ABCA5: variants seen among roughly 807,000 people sequenced by gnomAD.
The protein encoded by ABCA5 is ATP binding cassette subfamily A member 5, also known as cholesterol transporter ABCA5.
In ABCA5, 163 loss-of-function variants were observed where a neutral mutation model predicts 206.0. That is an observed-to-expected ratio of 0.79 (90% CI 0.70 to 0.90). The LOEUF is 0.90. Ranked by LOEUF, ABCA5 falls within the 40% of genes least tolerant of loss-of-function variation. The probability of loss-of-function intolerance (pLI) is 0.00; values close to 1 mark genes in which losing one functional copy is unlikely to be tolerated. For synonymous variants in ABCA5, 609 were observed against 613.8 expected (o/e 0.99, Z 0.11); for missense variants, 1,859 against 1,912.9 (o/e 0.97, Z 0.53).
intron 24 of ABCA5, among the ~76,000 whole-genome samples, chr17:69,262,933 C>G (rs1161554339): frequency 1.3e-5 from 2 of 152,122 alleles, no homozygotes; most frequent in Admixed American, 6.5e-5. Context: ...GCCATTCTAA[C>G]TGACATGAGA....
intron 15 of ABCA5, among the ~76,000 whole-genome samples, chr17:69,286,988 G>C (rs1010747370): frequency 2.0e-5 from 3 of 152,186 alleles, no homozygotes; most frequent in African/African-American, 7.2e-5. Flanking sequence ...GCTGTTAGTT[G>C]AGAACTTGGA....
At chr17:69,260,465 G>C in intron 26 of ABCA5, 53 bp from the exon 27 acceptor site, 2 of 1,188,212 alleles carry the variant, frequency 1.7e-6, no homozygotes, top group East Asian at 2.4e-5. Flanking sequence ...GAAATATTTG[G>C]ATTAAAATGA....
intron 18 of ABCA5, among the ~76,000 whole-genome samples, chr17:69,281,819 C>G (rs1216688513): frequency 6.6e-6 from 1 of 152,184 alleles, no homozygotes; most frequent in Non-Finnish European, 1.5e-5. Context: ...AGCAAGTTTA[C>G]TTCATGATGA....
chr17:69,324,481 G>C (rs766220295), intron 1 of ABCA5, among the ~76,000 whole-genome samples: 1 of 152,162 alleles, frequency 6.6e-6, no homozygotes, highest in Non-Finnish European at 1.5e-5. Flanking sequence ...TGAAGTTTCT[G>C]GTATCCAAAA....
chr17:69,294,741 T>C (rs2075567779), intron 10 of ABCA5, 28 bp from the exon 11 acceptor site: 1 of 1,474,256 alleles, frequency 6.8e-7, no homozygotes, highest in East Asian at 2.3e-5. Flanking sequence ...ATATTTTAAG[T>C]ATTTAAAGCA....
chr17:69,293,833 GGTGTGTGTGT>G (rs61315865), intron 11 of ABCA5, among the ~76,000 whole-genome samples: 6 of 123,818 alleles, frequency 4.8e-5, no homozygotes, highest in African/African-American at 9.0e-5. Context: ...CAATCATACT[GGTGTGTGTGT>G]GTGTGTGTGT....
chr17:69,250,469 T>C lies in ABCA5; in HGVS notation c.4685+3A>G. The C allele has an allele frequency of 6.2e-7, 1 of 1,603,506 alleles. No homozygotes were observed. Among genetic ancestry groups the C allele is most frequent in the Non-Finnish European group, 8.5e-7 (1 of 1,176,950 alleles). On this transcript the variant is annotated splice_donor_region_variant and intron_variant, in intron 36 of 38. Transcript: ENST00000392676. ...AATATAACCACATTCTTTAAAATTT[T>C]ACCTTTCCTGACGGCTTGCATTTGG...
intron 1 of ABCA5, among the ~76,000 whole-genome samples, chr17:69,324,437 T>C (rs1396634493): frequency 2.0e-5 from 3 of 152,216 alleles, no homozygotes; most frequent in African/African-American, 7.2e-5. Flanking sequence ...ATGTTCTAGA[T>C]AACACGGTAA....
At chr17:69,275,501 G>C (rs536841845) in intron 19 of ABCA5, among the ~76,000 whole-genome samples, 6 of 152,184 alleles carry the variant, frequency 3.9e-5, no homozygotes, top group African/African-American at 7.2e-5. Flanking sequence ...ATATGGCATT[G>C]ATCAAGTTCC....
chr17:69,276,666 T>C (rs1431269136), intron 19 of ABCA5, among the ~76,000 whole-genome samples: 1 of 152,022 alleles, frequency 6.6e-6, no homozygotes, highest in Non-Finnish European at 1.5e-5. Context: ...GGGTTGGGAC[T>C]GGGGAGGGAT....
At chr17:69,261,790 T>A in intron 24 of ABCA5, 42 bp from the exon 25 acceptor site, 1 of 785,298 alleles carries the variant, frequency 1.3e-6, no homozygotes, top group East Asian at 3.0e-5. Context: ...ATGAATAGCT[T>A]GCAATACACA....
At chr17:69,312,422 T>C (rs2075779078) in intron 3 of ABCA5, among the ~76,000 whole-genome samples, 1 of 152,110 alleles carries the variant, frequency 6.6e-6, no homozygotes, top group South Asian at 2.1e-4. Context: ...TATAAATAAA[T>C]AAAACAGAGT....
In ABCA5 at chr17:69,285,897, C is replaced by A. The variant is rs781141723; in HGVS notation, c.2272+1G>T. On this transcript the variant is annotated splice_donor_variant, in intron 17 of 38. Coordinates refer to ENST00000392676, the MANE Select transcript of ABCA5 (RefSeq NM_172232.4). LOFTEE classifies it high-confidence loss of function. ...ACCAAGAGACTTAAAGTAAGTAATA[C>A]CTGAAAATTTGTCCATGTCCTTGAA... 3 of 1,609,566 alleles carry A rather than the reference C, an allele frequency of 1.9e-6. No individual in the cohort carries two copies. The highest frequency in any genetic ancestry group is 2.2e-5 in the East Asian group (1 of 44,688).
chr17:69,268,126 ATATCT>A lies in ABCA5; in HGVS notation c.3031-75_3031-71del, dbSNP rs2075231692. ...TATATCTTAAGATATATCTTAGGAT[ATATCT>A]TATATCAAAAAAAAATCAAAACCTC... On this transcript the variant is annotated intron_variant, in intron 22 of 38. Transcript: ENST00000392676. 7.5e-6 allele frequency: 5 copies of A among 665,312 alleles called. No homozygotes were observed. The Admixed American group carries it at 9.1e-5, about 12-fold the overall frequency. The allele number at this position is 665,312 out of a possible 1,614,324, so 41.2% of individuals were successfully genotyped here.
intron 24 of ABCA5, among the ~76,000 whole-genome samples, chr17:69,262,614 T>C (rs2075161803): frequency 6.6e-6 from 1 of 152,220 alleles, no homozygotes; most frequent in African/African-American, 2.4e-5. Context: ...TGTACCACAC[T>C]TTCTTTATTC....
In ABCA5 at chr17:69,327,058, G is replaced by C. The variant is rs77963352; in HGVS notation, c.-22C>G. 6.5e-4 allele frequency: 101 copies of C among 155,918 alleles called. No homozygotes were observed. Among genetic ancestry groups the C allele is most frequent in the Non-Finnish European group, 1.2e-3 (83 of 70,914 alleles). 9.7% of individuals were successfully genotyped at this position (155,918 alleles called of 1,614,324 possible). A position where few individuals can be genotyped will look rare whatever the true frequency, so the allele number is the denominator to read the frequency against. On this transcript the variant is annotated 5_prime_UTR_variant, in exon 1 of 39. Coordinates refer to ENST00000392676, the MANE Select transcript of ABCA5 (RefSeq NM_172232.4). Reference sequence around the variant, plus strand: ...CCCGCGACGCCCGCCTCACCTCAGGGCCCGAGCCGCAGAGCTGTCAGGCCT... The same window carrying C: ...CCCGCGACGCCCGCCTCACCTCAGGCCCCGAGCCGCAGAGCTGTCAGGCCT...
intron 18 of ABCA5, among the ~76,000 whole-genome samples, chr17:69,279,578 A>T (rs1473800615): frequency 6.6e-6 from 1 of 151,950 alleles, no homozygotes; most frequent in Non-Finnish European, 1.5e-5. Context: ...TCGCCAAGTC[A>T]ATCCTAAGCC....
In ABCA5 at chr17:69,304,881, A is replaced by G. The variant is rs145676138; in HGVS notation, c.789-71T>C. On this transcript the variant is annotated intron_variant, in intron 6 of 38. Transcript: ENST00000392676. ...AACCAGTTAAAAAATCATTTTAAAC[A>G]AAATTTTTAGATTTTAGCCATTTTA... 3.3e-3 allele frequency: 4,462 copies of G among 1,343,094 alleles called. 130 individuals are homozygous for G. In the African/African-American group the frequency reaches 0.058, roughly 17 times the overall value. The allele number at this position is 1,343,094 out of a possible 1,614,324, so 83.2% of individuals were successfully genotyped here.
chr17:69,324,830 AAACTAAG>A (rs1464163538), intron 1 of ABCA5, among the ~76,000 whole-genome samples: 1 of 152,216 alleles, frequency 6.6e-6, no homozygotes, highest in East Asian at 1.9e-4. Flanking sequence ...CTACACTTTT[AAACTAAG>A]ATATTTTTGG....
Sources: gnomAD v4.1 joint callset for allele counts (sites outside exome capture counted in the v4.1 genomes callset) on GRCh38, gnomAD v4.1.1 for gene constraint, MANE v1.5 for transcripts, NCBI Gene and HGNC (gene_info 2026-07-23, HGNC 2026-07-21) for gene names.